The following PCDHA12 variants were observed in gnomAD, a reference collection of about 807,000 sequenced individuals.
PCDHA12 encodes the protein protocadherin alpha 12, also known as protocadherin alpha-12.
A neutral mutation model predicts 60.0 loss-of-function variants in PCDHA12; 44 were observed. That is an observed-to-expected ratio of 0.73 (90% CI 0.58 to 0.94). The LOEUF (loss-of-function observed/expected upper bound fraction) is 0.94, where lower values mean the gene tolerates loss of function less well. Ranked by LOEUF, PCDHA12 falls within the 40% of genes least tolerant of loss-of-function variation. PCDHA12 has a pLI of 0.00. For synonymous variants in PCDHA12, 569 were observed against 553.0 expected (o/e 1.03, Z -0.40); for missense variants, 1,276 against 1,239.7 (o/e 1.03, Z -0.44).
chr5:140,883,862 C>T (rs1467289225), intron 1 of PCDHA12: 3 of 1,613,000 alleles, frequency 1.9e-6, no homozygotes, highest in Non-Finnish European at 1.7e-6. Flanking sequence ...GGAGCTGTTG[C>T]AGTTCCAGGT....
At chr5:140,991,472 C>G (rs1480480128) in intron 3 of PCDHA12, among the ~76,000 whole-genome samples, 1 of 152,172 alleles carries the variant, frequency 6.6e-6, no homozygotes, top group African/African-American at 2.4e-5. Context: ...TCTTACAGTT[C>G]TGGAAGTCAG....
intron 1 of PCDHA12, among the ~76,000 whole-genome samples, chr5:140,963,604 T>A (rs1379826259): frequency 6.6e-6 from 1 of 152,234 alleles, no homozygotes; most frequent in Non-Finnish European, 1.5e-5. Flanking sequence ...CTAGACGTAA[T>A]TGGGAAAGCT....
chr5:141,001,102 A>T (rs1197761807), intron 3 of PCDHA12, among the ~76,000 whole-genome samples: 1 of 152,076 alleles, frequency 6.6e-6, no homozygotes, highest in African/African-American at 2.4e-5. Context: ...TCTAATCCAT[A>T]ATAAGCAATC....
chr5:140,998,893 C>T (rs144409989), intron 3 of PCDHA12, among the ~76,000 whole-genome samples: 1 of 152,306 alleles, frequency 6.6e-6, no homozygotes, highest in African/African-American at 2.4e-5. Flanking sequence ...GAATAAATAA[C>T]AATGCCTCCG....
At chr5:140,926,529 A>T in intron 1 of PCDHA12, 1 of 209,686 alleles carries the variant, frequency 4.8e-6, no homozygotes, top group Admixed American at 5.9e-5. Context: ...CTGCGCCCGC[A>T]GCCAGCGTGG....
intron 1 of PCDHA12, among the ~76,000 whole-genome samples, chr5:140,944,651 C>T (rs1554216459): frequency 6.6e-6 from 1 of 152,152 alleles, no homozygotes; most frequent in Non-Finnish European, 1.5e-5. Context: ...ATTGGGAGTC[C>T]ATACCCCTTA....
At chr5:140,979,109 G>A (rs979649515) in intron 2 of PCDHA12, 102 bp downstream of exon 2, 1 of 1,524,682 alleles carries the variant, frequency 6.6e-7, no homozygotes, top group Admixed American at 2.3e-5. Context: ...AAACTAAAAA[G>A]CTTTAGGTAC....
At chr5:140,968,050 C>T (rs782392575) in intron 1 of PCDHA12, 12 of 1,614,178 alleles carry the variant, frequency 7.4e-6, no homozygotes, top group Admixed American at 1.7e-5. Flanking sequence ...GCCCACTGGA[C>T]CGAGAGCGGG....
At chr5:140,907,773 G>C (rs2073598085) in intron 1 of PCDHA12, among the ~76,000 whole-genome samples, 1 of 152,200 alleles carries the variant, frequency 6.6e-6, no homozygotes, top group Admixed American at 6.5e-5. Flanking sequence ...GGTGATGACA[G>C]GGGTGGCTGG....
At chr5:140,895,802 C>CTGTAT (rs1289601886) in intron 1 of PCDHA12, among the ~76,000 whole-genome samples, 86 of 152,166 alleles carry the variant, frequency 5.7e-4, no homozygotes, top group African/African-American at 1.6e-3. Context: ...ATGTACAATA[C>CTGTAT]TGTATTGTAT....
chr5:140,966,934 G>T, intron 1 of PCDHA12: 1 of 1,604,080 alleles, frequency 6.2e-7, no homozygotes, highest in Non-Finnish European at 8.5e-7. Context: ...CACCCGGCGC[G>T]CTCGTGGGCA....
chr5:140,963,233 G>C (rs151988), intron 1 of PCDHA12, among the ~76,000 whole-genome samples: 50,230 of 151,972 alleles, frequency 0.33, 8,535 homozygotes, highest in East Asian at 0.53. Context: ...GACACTGTTT[G>C]ATGGATTAGG....
intron 1 of PCDHA12, among the ~76,000 whole-genome samples, chr5:140,975,382 A>G (rs1219046015): frequency 1.3e-5 from 2 of 152,258 alleles, no homozygotes; most frequent in African/African-American, 4.8e-5. Flanking sequence ...AATCATGGGA[A>G]TAAGATCCAT....
chr5:140,943,679 A>C (rs973228943), intron 1 of PCDHA12, among the ~76,000 whole-genome samples: 3 of 152,248 alleles, frequency 2.0e-5, no homozygotes, highest in African/African-American at 7.2e-5. Context: ...TGTGAAAAAA[A>C]GGGATAAGGT....
At chr5:140,983,470 A>G (rs782117929) in intron 3 of PCDHA12, among the ~76,000 whole-genome samples, 16 of 152,224 alleles carry the variant, frequency 1.1e-4, no homozygotes, top group Non-Finnish European at 1.5e-4. Context: ...CATCATGATG[A>G]TAATAGTAGT....
At chr5:140,968,167 A>C (rs782252124) in intron 1 of PCDHA12, 1 of 1,614,076 alleles carries the variant, frequency 6.2e-7, no homozygotes, top group Admixed American at 1.7e-5. Flanking sequence ...ACAATCCACC[A>C]AGCTTCCTGG....
At chr5:140,891,136 G>A (rs541876133) in intron 1 of PCDHA12, among the ~76,000 whole-genome samples, 1 of 152,068 alleles carries the variant, frequency 6.6e-6, no homozygotes, top group Non-Finnish European at 1.5e-5. Context: ...TTCCTTTAAA[G>A]GTATTCTGTT....
chr5:140,966,259 G>A (rs1358322921), intron 1 of PCDHA12: 1 of 340,612 alleles, frequency 2.9e-6, no homozygotes, highest in Non-Finnish European at 5.3e-6. Context: ...AGACGGTGGA[G>A]ACTGGATGAA....
At chr5:140,938,870 A>C (rs560302282) in intron 1 of PCDHA12, among the ~76,000 whole-genome samples, 1 of 152,264 alleles carries the variant, frequency 6.6e-6, no homozygotes, top group South Asian at 2.1e-4. Flanking sequence ...TTAAAAGTTA[A>C]GAAGCAACAC....
Sources: allele counts gnomAD v4.1 joint callset (sites outside exome capture counted in the v4.1 genomes callset), GRCh38; gene constraint gnomAD v4.1.1; transcripts MANE v1.5; gene names NCBI Gene and HGNC (gene_info 2026-07-23, HGNC 2026-07-21).